Variants in MGA observed in about 807,000 individuals in gnomAD.
The protein encoded by MGA is MAX gene-associated protein.
Under a neutral mutation model 261.1 loss-of-function variants are expected in MGA, and 40 were observed. The ratio of observed to expected loss-of-function variants is 0.15; its 90% CI spans 0.12 to 0.20. The LOEUF is 0.20. MGA is among the 10% of genes least tolerant of loss of function. MGA has a pLI of 1.00. For missense variants in MGA, 3,397 were observed against 3,630.5 expected (o/e 0.94, Z 1.65); for synonymous variants, 1,302 against 1,290.6 (o/e 1.01, Z -0.19).
chr15:41,718,032 T>A (rs1405637269), intron 9 of MGA, among the ~76,000 whole-genome samples: 4 of 151,022 alleles, frequency 2.6e-5, no homozygotes, highest in Non-Finnish European at 5.9e-5. Flanking sequence ...AAAAAAAAAT[T>A]AATGTTCTAA....
At chr15:41,654,455 A>G (rs2057126056) in intron 1 of MGA, among the ~76,000 whole-genome samples, 1 of 152,138 alleles carries the variant, frequency 6.6e-6, no homozygotes, top group Admixed American at 6.5e-5. Flanking sequence ...GGTCCTCTAA[A>G]TACTTTTTTG....
At chr15:41,630,938 A>G (rs992531059) in intron 1 of MGA, among the ~76,000 whole-genome samples, 16 of 152,184 alleles carry the variant, frequency 1.1e-4, no homozygotes, top group African/African-American at 3.9e-4. Flanking sequence ...AGTCCAAAGT[A>G]GGGTTGATTA....
intron 1 of MGA, among the ~76,000 whole-genome samples, chr15:41,647,335 C>G (rs897416990): frequency 2.0e-5 from 3 of 152,158 alleles, no homozygotes; most frequent in Non-Finnish European, 4.4e-5. Flanking sequence ...CATTGATTTT[C>G]CAATCTATTT....
intron 1 of MGA, among the ~76,000 whole-genome samples, chr15:41,641,100 C>A (rs2056811451): frequency 6.6e-6 from 1 of 152,124 alleles, no homozygotes; most frequent in African/African-American, 2.4e-5. Context: ...AAAATGAGGT[C>A]CTTTGTGATC....
chr15:41,767,394 T>C lies in MGA; in HGVS notation c.*114T>C. On this transcript the variant is annotated 3_prime_UTR_variant, in exon 24 of 24. Transcript: ENST00000219905. ...GAACTTGGATCCTTGACTTCAATGATGCAGTGGATAATGATGGGAGAAAGG... is the reference window on the plus strand; with the variant it reads ...GAACTTGGATCCTTGACTTCAATGACGCAGTGGATAATGATGGGAGAAAGG... 2.7e-6 allele frequency: 3 copies of C among 1,104,644 alleles called. No homozygotes were observed. The highest frequency in any genetic ancestry group is 3.9e-6 in the Non-Finnish European group (3 of 771,494). The allele number at this position is 1,104,644 out of a possible 1,614,324, so 68.4% of individuals were successfully genotyped here.
chr15:41,707,636 C>G, intron 5 of MGA, 92 bp from the exon 6 acceptor site: 2 of 1,226,602 alleles, frequency 1.6e-6, no homozygotes, highest in Non-Finnish European at 2.2e-6. Flanking sequence ...CTTACCCCCC[C>G]GCCATCTCCC....
intron 19 of MGA, chr15:41,760,054 T>C (rs2063366229): frequency 9.9e-6 from 4 of 404,798 alleles, no homozygotes; most frequent in South Asian, 6.7e-5. Flanking sequence ...CTGTAACATA[T>C]ACAATTTCTT....
chr15:41,761,926 A>ATACTTAATT (rs2063481220), intron 21 of MGA, 76 bp downstream of exon 21: 1 of 1,195,280 alleles, frequency 8.4e-7, no homozygotes, highest in Admixed American at 2.5e-5. Context: ...TAGATCTTTC[A>ATACTTAATT]GATACTTAAT....
intron 15 of MGA, among the ~76,000 whole-genome samples, chr15:41,743,996 A>C (rs910514226): frequency 6.6e-6 from 1 of 152,184 alleles, no homozygotes; most frequent in African/African-American, 2.4e-5. Flanking sequence ...AAAGAGCAAG[A>C]GACTTTGCAG....
intron 1 of MGA, chr15:41,621,684 T>C (rs935786193): frequency 3.3e-5 from 5 of 150,890 alleles, no homozygotes; most frequent in African/African-American, 1.2e-4. Flanking sequence ...CTGGGTGTTT[T>C]TGTGCGTTGG....
chr15:41,632,749 A>G (rs977183686), intron 1 of MGA, among the ~76,000 whole-genome samples: 5 of 148,654 alleles, frequency 3.4e-5, no homozygotes, highest in Admixed American at 6.8e-5. Context: ...GGTGCCTCCT[A>G]CCTGTAGGAG....
chr15:41,638,423 T>A (rs937116367), intron 1 of MGA, among the ~76,000 whole-genome samples: 3 of 151,740 alleles, frequency 2.0e-5, no homozygotes, highest in Non-Finnish European at 2.9e-5. Flanking sequence ...TGGAGTGCAG[T>A]GTCATGATCA....
chr15:41,625,782 A>T (rs1162894074), intron 1 of MGA, among the ~76,000 whole-genome samples: 1 of 152,212 alleles, frequency 6.6e-6, no homozygotes, highest in African/African-American at 2.4e-5. Context: ...TGTACCTGGT[A>T]AACATGATAT....
At chr15:41,631,417 C>G (rs1486664409) in intron 1 of MGA, among the ~76,000 whole-genome samples, 1 of 152,144 alleles carries the variant, frequency 6.6e-6, no homozygotes, top group African/African-American at 2.4e-5. Flanking sequence ...CCTGTAATCC[C>G]AGCACTTTGG....
At chr15:41,643,291 A>G (rs1016281881) in intron 1 of MGA, among the ~76,000 whole-genome samples, 2 of 149,690 alleles carry the variant, frequency 1.3e-5, no homozygotes, top group African/African-American at 4.9e-5. Flanking sequence ...CCCAGGCTGT[A>G]GTGCAGTGGC....
At chr15:41,655,674 A>G (rs1211491446), upstream of MGA, among the ~76,000 whole-genome samples, 1 of 152,190 alleles carries the variant, frequency 6.6e-6, no homozygotes, top group Non-Finnish European at 1.5e-5. Context: ...GTCAATGGGC[A>G]GTCAATAAGA....
chr15:41,756,279 G>A (rs77634473), intron 18 of MGA, among the ~76,000 whole-genome samples: 4,938 of 152,202 alleles, frequency 0.032, 130 homozygotes, highest in South Asian at 0.069. Flanking sequence ...GTTGACAGAA[G>A]AAGAAGAAAC....
chr15:41,737,804 A>G (rs1252197762), intron 13 of MGA, among the ~76,000 whole-genome samples: 1 of 151,678 alleles, frequency 6.6e-6, no homozygotes, highest in African/African-American at 2.4e-5. Flanking sequence ...ACATGGCAAA[A>G]CCCCATTTCT....
At chr15:41,628,927 C>G (rs1056655252) in intron 1 of MGA, among the ~76,000 whole-genome samples, 9 of 151,986 alleles carry the variant, frequency 5.9e-5, no homozygotes, top group African/African-American at 2.2e-4. Flanking sequence ...ATCATGAGGT[C>G]AGGAGATCGA....
Sources: allele counts gnomAD v4.1 joint callset (sites outside exome capture counted in the v4.1 genomes callset), GRCh38; gene constraint gnomAD v4.1.1; transcripts MANE v1.5; gene names NCBI Gene and HGNC (gene_info 2026-07-23, HGNC 2026-07-21).